The following SOX6 variants were observed in gnomAD, a reference collection of about 807,000 sequenced individuals.
The protein encoded by SOX6 is SRY-box transcription factor 6, also known as transcription factor SOX-6.
In SOX6, 11 loss-of-function variants were observed where a neutral mutation model predicts 97.8. The observed-to-expected ratio is 0.11, with a 90% CI of 0.07 to 0.19. SOX6 has a LOEUF of 0.19. Ranked by LOEUF, SOX6 falls within the 10% of genes least tolerant of loss-of-function variation. SOX6 has a pLI of 1.00. For missense variants in SOX6, 810 were observed against 1,039.5 expected (o/e 0.78, Z 3.04); for synonymous variants, 360 against 371.4 (o/e 0.97, Z 0.35).
chr11:16,444,011 C>CAA (rs11448266), intron 1 of SOX6, among the ~76,000 whole-genome samples: 2,751 of 114,878 alleles, frequency 0.024, 69 homozygotes, highest in East Asian at 0.043. Context: ...GACTCTGTCT[C>CAA]AAAAAAAAAA....
intron 1 of SOX6, among the ~76,000 whole-genome samples, chr11:16,446,199 G>C (rs1002393980): frequency 2.6e-5 from 4 of 151,832 alleles, no homozygotes; most frequent in African/African-American, 9.7e-5. Flanking sequence ...ATGTAAGAAT[G>C]CAAAATGAAG....
chr11:16,530,252 G>T (rs1861220641), intron 4 of SOX6, among the ~76,000 whole-genome samples: 1 of 151,922 alleles, frequency 6.6e-6, no homozygotes, highest in South Asian at 2.1e-4. Flanking sequence ...AAACCTCATT[G>T]GACAAGGCTT....
At chr11:15,981,005 G>A (rs955327534) in intron 15 of SOX6, among the ~76,000 whole-genome samples, 1 of 152,094 alleles carries the variant, frequency 6.6e-6, no homozygotes, top group African/African-American at 2.4e-5. Context: ...ATTTAGTAAA[G>A]TGTTGGACAC....
intron 4 of SOX6, among the ~76,000 whole-genome samples, chr11:16,485,918 AAGGGG>A (rs1565160091): frequency 7.7e-4 from 52 of 67,152 alleles, no homozygotes; most frequent in Non-Finnish European, 1.1e-3. Flanking sequence ...AAGAAAAGGG[AAGGGG>A]AGGGGAGGGG....
intron 4 of SOX6, among the ~76,000 whole-genome samples, chr11:16,536,588 C>T (rs532372566): frequency 6.6e-6 from 1 of 152,324 alleles, no homozygotes; most frequent in South Asian, 2.1e-4. Flanking sequence ...AAAAACAGTA[C>T]ACCCCCACAC....
intron 2 of SOX6, among the ~76,000 whole-genome samples, chr11:16,321,054 G>A (rs1253000088): frequency 6.6e-6 from 1 of 152,054 alleles, no homozygotes; most frequent in Middle Eastern, 3.2e-3. Flanking sequence ...TGCCAGTCAT[G>A]GCTAGTATGT....
At chr11:16,427,310 G>T (rs898833274) in intron 1 of SOX6, among the ~76,000 whole-genome samples, 3 of 145,092 alleles carry the variant, frequency 2.1e-5, no homozygotes, top group Non-Finnish European at 4.5e-5. Flanking sequence ...GTGTGCAACG[G>T]ACATGACCAT....
At chr11:16,670,050 A>G (rs1590046047) in intron 3 of SOX6, among the ~76,000 whole-genome samples, 1 of 151,572 alleles carries the variant, frequency 6.6e-6, no homozygotes, top group African/African-American at 2.4e-5. Context: ...GGGAATCCCT[A>G]CCCCCGCCCT....
chr11:16,308,732 C>G (rs963816546), intron 3 of SOX6, among the ~76,000 whole-genome samples: 1 of 152,028 alleles, frequency 6.6e-6, no homozygotes, highest in African/African-American at 2.4e-5. Flanking sequence ...AAAACCACAC[C>G]CTGTGCTGGA....
At chr11:16,339,523 A>G (rs1463931087) in intron 2 of SOX6, among the ~76,000 whole-genome samples, 1 of 152,034 alleles carries the variant, frequency 6.6e-6, no homozygotes, top group Non-Finnish European at 1.5e-5. Flanking sequence ...ATTCCTAACC[A>G]TTTATTCTAA....
At chr11:16,046,942 C>T (rs1376560169) in intron 11 of SOX6, among the ~76,000 whole-genome samples, 2 of 152,288 alleles carry the variant, frequency 1.3e-5, no homozygotes, top group Middle Eastern at 3.4e-3. Flanking sequence ...TCTGTCTACT[C>T]ACCTCCTCAC....
chr11:16,670,527 C>A (rs1847840610), intron 3 of SOX6, among the ~76,000 whole-genome samples: 1 of 152,100 alleles, frequency 6.6e-6, no homozygotes, highest in Non-Finnish European at 1.5e-5. Flanking sequence ...GGAGCAAAGA[C>A]CCTAAGTGCT....
intron 4 of SOX6, among the ~76,000 whole-genome samples, chr11:16,549,027 T>C (rs1209373716): frequency 1.3e-5 from 2 of 152,050 alleles, no homozygotes; most frequent in Admixed American, 6.6e-5. Flanking sequence ...AAAATAATAA[T>C]AAATTTGAAA....
intron 2 of SOX6, among the ~76,000 whole-genome samples, chr11:16,326,990 A>G (rs1344657717): frequency 6.6e-6 from 1 of 152,184 alleles, no homozygotes; most frequent in African/African-American, 2.4e-5. Flanking sequence ...TCTCTACAGT[A>G]TGTTAGTTTC....
intron 3 of SOX6, among the ~76,000 whole-genome samples, chr11:16,643,375 G>T (rs1403409825): frequency 2.6e-5 from 4 of 152,234 alleles, no homozygotes; most frequent in Non-Finnish European, 5.9e-5. Flanking sequence ...ACCCACTTGA[G>T]GAGGCAGTCT....
chr11:16,626,186 T>G (rs1848621204), intron 3 of SOX6, among the ~76,000 whole-genome samples: 1 of 152,232 alleles, frequency 6.6e-6, no homozygotes, highest in Non-Finnish European at 1.5e-5. Flanking sequence ...ACACATCTGG[T>G]GTCAGAAGTG....
intron 4 of SOX6, chr11:16,576,776 A>T (rs1046552445): frequency 2.0e-5 from 3 of 152,236 alleles, no homozygotes; most frequent in African/African-American, 7.2e-5. Flanking sequence ...AATAGACCCT[A>T]TATGATATTA....
chr11:16,374,463 A>T lies in SOX6; in HGVS notation c.-4-33211T>A, dbSNP rs561295968. Among the ~76,000 whole-genome samples, 18 of 152,238 alleles carry T rather than the reference A, an allele frequency of 1.2e-4. No individual in the cohort carries two copies. The South Asian group carries it at 3.5e-3, about 30-fold the overall frequency. ...TGGCAATGTATTTCAAAATAATTTT[A>T]AAAATTAACTTCTACATTTATGCAA... On this transcript the variant is annotated intron_variant, in intron 1 of 15. Coordinates refer to the SOX6 transcript ENST00000396356.
chr11:16,357,010 G>A (rs1355136267), upstream of SOX6, among the ~76,000 whole-genome samples: 1 of 152,076 alleles, frequency 6.6e-6, no homozygotes, highest in Non-Finnish European at 1.5e-5. Flanking sequence ...ATTATAAAAG[G>A]CTAATTTTGT....
Sources: gnomAD v4.1 joint callset for allele counts (sites outside exome capture counted in the v4.1 genomes callset) on GRCh38, gnomAD v4.1.1 for gene constraint, MANE v1.5 for transcripts, NCBI Gene and HGNC (gene_info 2026-07-23, HGNC 2026-07-21) for gene names.